Variants in ZSWIM7 observed in about 807,000 individuals in gnomAD.
ZSWIM7 encodes the protein zinc finger SWIM domain-containing protein 7.
ZSWIM7 carries 22 observed loss-of-function variants against 21.1 expected under a neutral mutation model. The ratio of observed to expected loss-of-function variants is 1.04; its 90% CI spans 0.74 to 1.49. The LOEUF (loss-of-function observed/expected upper bound fraction) is 1.49, where lower values mean the gene tolerates loss of function less well. ZSWIM7 is among the 40% of genes most tolerant of loss of function. The pLI is 0.00. For synonymous variants in ZSWIM7, 67 were observed against 66.5 expected (o/e 1.01, Z -0.04); for missense variants, 193 against 168.0 (o/e 1.15, Z -0.82).
intron 3 of ZSWIM7, among the ~76,000 whole-genome samples, chr17:15,986,079 C>CTT (rs34291924): frequency 0.65 from 98,213 of 151,794 alleles, 33,235 homozygotes; most frequent in African/African-American, 0.85. Flanking sequence ...GAGTTCTGCT[C>CTT]GTCACTCAGG....
intron 1 of ZSWIM7, among the ~76,000 whole-genome samples, chr17:15,997,265 G>T (rs1349473080): frequency 6.6e-6 from 1 of 152,022 alleles, no homozygotes; most frequent in Non-Finnish European, 1.5e-5. Flanking sequence ...GGTTAAGAGA[G>T]ATCTCAGCAA....
chr17:15,994,249 G>C (rs368965225), intron 1 of ZSWIM7, among the ~76,000 whole-genome samples: 1 of 152,150 alleles, frequency 6.6e-6, no homozygotes, highest in East Asian at 1.9e-4. Flanking sequence ...CACCGTGCCC[G>C]GCCAGATTTG....
intron 3 of ZSWIM7, among the ~76,000 whole-genome samples, chr17:15,983,539 T>C (rs1458386298): frequency 6.6e-6 from 1 of 151,710 alleles, no homozygotes; most frequent in Non-Finnish European, 1.5e-5. Context: ...AAGCAGATTG[T>C]TTTCTACTTA....
rs977959197 is a variant in ZSWIM7 at position 15,979,282 on chromosome 17, T to C, written c.307-1119A>G. ...TAACCCTGAGTGGACACAGCACATG[T>C]TTCAGAGAGCACAGGGTTGGGGGTA... is the stretch of plus-strand genomic sequence containing the variant. On this transcript the variant is annotated intron_variant, in intron 4 of 4. Transcript: ENST00000399277. Among the ~76,000 whole-genome samples, 28 of 151,968 alleles carry C rather than the reference T, an allele frequency of 1.8e-4. No individual in the cohort carries two copies. The South Asian group carries it at 5.4e-3, about 29-fold the overall frequency.
At chr17:15,999,035 A>T (rs927779538) in intron 1 of ZSWIM7, among the ~76,000 whole-genome samples, 1 of 152,160 alleles carries the variant, frequency 6.6e-6, no homozygotes, top group Non-Finnish European at 1.5e-5. Context: ...GGATTACGGG[A>T]GTGAGCCACT....
chr17:15,999,012 T>C (rs1355236702), intron 1 of ZSWIM7, among the ~76,000 whole-genome samples: 1 of 152,166 alleles, frequency 6.6e-6, no homozygotes, highest in Non-Finnish European at 1.5e-5. Flanking sequence ...TGCCTCGGCC[T>C]CCCAAAGTGC....
chr17:15,995,272 T>C (rs889445096), intron 1 of ZSWIM7, among the ~76,000 whole-genome samples: 44 of 145,608 alleles, frequency 3.0e-4, no homozygotes, highest in Middle Eastern at 3.6e-3. Context: ...CCGTCTCTCT[T>C]TTTTTTTTTT....
chr17:15,993,186 T>A (rs1970506763), intron 2 of ZSWIM7, among the ~76,000 whole-genome samples: 1 of 151,932 alleles, frequency 6.6e-6, no homozygotes, highest in Non-Finnish European at 1.5e-5. Context: ...CCTTTTATTC[T>A]ATTTTTAAAA....
Position 15,999,518 on chromosome 17 carries a change from C to G in ZSWIM7, c.76+1G>C. 6.3e-7 allele frequency: 1 copy of G among 1,599,962 alleles called. No homozygotes were observed. The highest frequency in any genetic ancestry group is 8.5e-7 in the Non-Finnish European group (1 of 1,178,080). ...AGCCACACACGACCTCGGTCCCGTA[C>G]TTCGCGCGCTCTCCTGCACCGCCGC... is the stretch of plus-strand genomic sequence containing the variant. On this transcript the variant is annotated splice_donor_variant, in intron 1 of 4. Transcript: ENST00000399277. LOFTEE classifies it high-confidence loss of function.
At chr17:15,993,056 T>G (rs757907061) in intron 2 of ZSWIM7, among the ~76,000 whole-genome samples, 3 of 151,888 alleles carry the variant, frequency 2.0e-5, no homozygotes, top group Non-Finnish European at 4.4e-5. Flanking sequence ...TTTTGTATTT[T>G]TAGTAGAGAC....
chr17:15,992,213 C>T (rs914607944), intron 2 of ZSWIM7, among the ~76,000 whole-genome samples: 1 of 152,122 alleles, frequency 6.6e-6, no homozygotes, highest in African/African-American at 2.4e-5. Flanking sequence ...AGGCGTGAGC[C>T]ACCGCACCTG....
In ZSWIM7 at chr17:15,977,429, G is replaced by A. The variant is rs1438795434; in HGVS notation, c.*618C>T. Reference sequence around the variant, plus strand: ...TTAAGACTAAATAGGGTCAGGCGCAGTGGCTCATGCATGTAATTCCAGCAC... The same window carrying A: ...TTAAGACTAAATAGGGTCAGGCGCAATGGCTCATGCATGTAATTCCAGCAC... On this transcript the variant is annotated 3_prime_UTR_variant, in exon 5 of 5. Coordinates refer to ENST00000399277, the MANE Select transcript of ZSWIM7 (RefSeq NM_001042697.2). The A allele has an allele frequency of 6.6e-6, 1 of 152,248 alleles. No homozygotes were observed. Among genetic ancestry groups the A allele is most frequent in the East Asian group, 1.9e-4 (1 of 5,194 alleles). The allele number at this position is 152,248 out of a possible 1,614,324, so 9.4% of individuals were successfully genotyped here. A position where few individuals can be genotyped will look rare whatever the true frequency, so the allele number is the denominator to read the frequency against.
intron 2 of ZSWIM7, among the ~76,000 whole-genome samples, chr17:15,988,704 C>T (rs1970445670): frequency 6.6e-6 from 1 of 151,856 alleles, no homozygotes; most frequent in Non-Finnish European, 1.5e-5. Context: ...AACAGCACTC[C>T]CACCAGCACT....
At chr17:15,998,755 CTTT>C (rs10551472) in intron 1 of ZSWIM7, among the ~76,000 whole-genome samples, 12 of 130,292 alleles carry the variant, frequency 9.2e-5, no homozygotes, top group Non-Finnish European at 1.3e-4. Context: ...TCTTAAAATG[CTTT>C]TTTTTTTTTT....
intron 1 of ZSWIM7, chr17:15,999,234 C>T: frequency 1.8e-6 from 1 of 568,518 alleles, no homozygotes; most frequent in Admixed American, 3.0e-5. Context: ...ACCCGGCCAG[C>T]TCTCAGCACT....
chr17:15,977,800 C>T lies in ZSWIM7; in HGVS notation c.*247G>A, dbSNP rs1280784489. On this transcript the variant is annotated 3_prime_UTR_variant, in exon 5 of 5. Coordinates refer to ENST00000399277, the MANE Select transcript of ZSWIM7 (RefSeq NM_001042697.2). ...GATTCCATCCAGGGACATTTTTTAC[C>T]GAAGCGTCTCAGAGACTGGCTCAGG... 2.1e-5 allele frequency: 7 copies of T among 335,492 alleles called. No individual in the cohort carries two copies. The highest frequency in any genetic ancestry group is 4.8e-5 in the East Asian group (1 of 20,736). The allele number at this position is 335,492 out of a possible 1,614,324, so 20.8% of individuals were successfully genotyped here. A position where few individuals can be genotyped will look rare whatever the true frequency, so the allele number is the denominator to read the frequency against.
In ZSWIM7 at chr17:15,999,679, C is replaced by T. The variant is rs1299576814; in HGVS notation, c.-85G>A. The T allele has an allele frequency of 1.3e-6, 2 of 1,557,892 alleles. No individual in the cohort carries two copies. Among genetic ancestry groups the T allele is most frequent in the South Asian group, 1.2e-5 (1 of 85,022 alleles). On this transcript the variant is annotated 5_prime_UTR_variant, in exon 1 of 5. Transcript: ENST00000399277. ...GCCTACCTGTGGAGGATCCTGACCC[C>T]CCGCCGGGGCAGGGCGAGACGGAGT...
chr17:15,996,555 C>A (rs1970557520), intron 1 of ZSWIM7, among the ~76,000 whole-genome samples: 1 of 151,950 alleles, frequency 6.6e-6, no homozygotes, highest in Non-Finnish European at 1.5e-5. Context: ...CAGAGTGAGA[C>A]CCGGTCTCAA....
At chr17:15,985,518 T>C (rs1476399750) in intron 3 of ZSWIM7, among the ~76,000 whole-genome samples, 1 of 152,168 alleles carries the variant, frequency 6.6e-6, no homozygotes. Context: ...GCCAAATTCT[T>C]ACTATATTAC....
Sources: allele counts gnomAD v4.1 joint callset (sites outside exome capture counted in the v4.1 genomes callset), GRCh38; gene constraint gnomAD v4.1.1; transcripts MANE v1.5; gene names NCBI Gene and HGNC (gene_info 2026-07-23, HGNC 2026-07-21).